The following UNC5A variants were observed in gnomAD, a reference collection of about 807,000 sequenced individuals.
UNC5A encodes netrin receptor UNC5A.
Under a neutral mutation model 87.4 loss-of-function variants are expected in UNC5A, and 20 were observed. That is an observed-to-expected ratio of 0.23 (90% confidence interval 0.16 to 0.33). UNC5A has a LOEUF of 0.33. Among genes scored for constraint, UNC5A ranks in the 10% least tolerant of loss-of-function variants. UNC5A has a pLI of 1.00. For missense variants in UNC5A, 844 were observed against 1,133.4 expected (o/e 0.74, Z 3.67); for synonymous variants, 438 against 482.3 (o/e 0.91, Z 1.20).
intron 1 of UNC5A, among the ~76,000 whole-genome samples, chr5:176,858,928 G>C (rs1330537974): frequency 1.3e-5 from 2 of 152,192 alleles, no homozygotes; most frequent in African/African-American, 4.8e-5. Flanking sequence ...GGGGGGGACA[G>C]ACAGATCTCA....
At position 176,869,613 on chromosome 5, in the gene UNC5A, G is replaced by A. The variant is rs951418076; in HGVS notation, c.721+649G>A. The A allele has an allele frequency of 4.3e-6, 3 of 699,552 alleles. No homozygotes were observed. Among genetic ancestry groups the A allele is most frequent in the South Asian group, 3.0e-5 (2 of 67,388 alleles). The allele number at this position is 699,552 out of a possible 1,614,324, so 43.3% of individuals were successfully genotyped here. A position where few individuals can be genotyped will look rare whatever the true frequency, so the allele number is the denominator to read the frequency against. ...ACCCCAGTCCTTCTCTGTCCGGCCAGTGAACGGTGGGTGGTCGACGTGGAC... is the reference window on the plus strand; with the variant it reads ...ACCCCAGTCCTTCTCTGTCCGGCCAATGAACGGTGGGTGGTCGACGTGGAC... On this transcript the variant is annotated intron_variant, in intron 5 of 14. Coordinates refer to ENST00000329542, the MANE Select transcript of UNC5A (RefSeq NM_133369.3). The surrounding 1 kb of genome is among the most constrained non-coding windows in gnomAD (Gnocchi z 9.1).
chr5:176,818,449 C>T (rs1414236005), intron 1 of UNC5A, among the ~76,000 whole-genome samples: 3 of 152,224 alleles, frequency 2.0e-5, no homozygotes, highest in Non-Finnish European at 4.4e-5. Context: ...GGGCTATAGA[C>T]TGTTACGTTT....
At position 176,879,339 on chromosome 5, in the gene UNC5A, G is replaced by A. The variant is rs1397672937; in HGVS notation, c.2214G>A (p.Leu738=). The change falls in exon 14 of 15, where the codon CTG becomes CTA. Residue 738 remains leucine (L), a synonymous_variant. Transcript: ENST00000329542. ...KDTRFAELLA[L]ESEAGVPALV... is the part of the protein sequence containing the mutation. ...CAAGGTTTGCTGAGCTGCTGGCTCT[G>A]GAGAGTGAAGCGGGGGTCCCAGCCC... 2.5e-6 allele frequency: 4 copies of A among 1,610,628 alleles called. No homozygotes were observed. The African/African-American group carries it at 4.0e-5, about 16-fold the overall frequency.
chr5:176,879,819 C>T lies in UNC5A; in HGVS notation c.2462C>T (p.Ala821Val). 1 of 1,613,036 alleles carries T rather than the reference C, an allele frequency of 6.2e-7. No homozygotes were observed. The highest frequency in any genetic ancestry group is 8.5e-7 in the Non-Finnish European group (1 of 1,179,894). ...CCCAACGGCAACCTCAGCCAGCTGG[C>T]TGCAGCAGTGGCTGGACTGGGCCAG... Reference protein sequence around the residue: ...HFPNGNLSQLAAAVAGLGQPD... With the variant: ...HFPNGNLSQLVAAVAGLGQPD... Residue 821 changes from alanine to valine, a missense_variant, in exon 15 of 15, where the codon GCT becomes GTT. Around this residue, in one of 3 missense-constraint regions of UNC5A, gnomAD observed 177 missense variants for 279.4 expected, o/e 0.63. Coordinates refer to ENST00000329542, the MANE Select transcript of UNC5A (RefSeq NM_133369.3).
At chr5:176,856,561 G>A (rs770153200) in intron 1 of UNC5A, among the ~76,000 whole-genome samples, 3 of 152,214 alleles carry the variant, frequency 2.0e-5, no homozygotes, top group Non-Finnish European at 4.4e-5. Context: ...AACTCACCCT[G>A]GTCCTGAAGT....
chr5:176,856,758 CCCAGTGCCA>C (rs1309643262), intron 1 of UNC5A, among the ~76,000 whole-genome samples: 1 of 152,130 alleles, frequency 6.6e-6, no homozygotes, highest in African/African-American at 2.4e-5. Context: ...CTCCCCTCTG[CCCAGTGCCA>C]CCCCTCCCCT....
chr5:176,852,413 G>A (rs556805222), intron 1 of UNC5A, among the ~76,000 whole-genome samples: 8 of 152,012 alleles, frequency 5.3e-5, no homozygotes, highest in East Asian at 3.9e-4. Flanking sequence ...AAGCACAGGC[G>A]CCGGCCAAGG....
chr5:176,842,664 A>C (rs1757304164), intron 1 of UNC5A, among the ~76,000 whole-genome samples: 2 of 152,140 alleles, frequency 1.3e-5, no homozygotes, highest in South Asian at 2.1e-4. Context: ...TGAGGACGCA[A>C]AGGCAAAAGA....
intron 2 of UNC5A, among the ~76,000 whole-genome samples, chr5:176,867,661 CG>C (rs898794690): frequency 6.6e-6 from 1 of 152,164 alleles, no homozygotes; most frequent in Non-Finnish European, 1.5e-5. Flanking sequence ...TATATTATCA[CG>C]TCAGGATCTA....
rs1165038284 is a variant in UNC5A, at chr5:176,880,182, C to G, written c.*296C>G. 2.9e-6 allele frequency: 1 copy of G among 347,640 alleles called. No homozygotes were observed. Among genetic ancestry groups the G allele is most frequent in the Non-Finnish European group, 5.3e-6 (1 of 187,488 alleles). 21.5% of individuals were successfully genotyped at this position (347,640 alleles called of 1,614,324 possible). On this transcript the variant is annotated 3_prime_UTR_variant, in exon 15 of 15. Transcript: ENST00000329542. The stretch of plus-strand genomic sequence containing the variant: ...TGTGTGTGTGTATGTGCGTGTGATG[C>G]TACCTCTCCTCCCGTCCCTCTCCAG...
At position 176,869,671 on chromosome 5, in the gene UNC5A, G is replaced by C. The variant is rs376531685; in HGVS notation, c.722-699G>C. On this transcript the variant is annotated intron_variant, in intron 5 of 14. Coordinates refer to ENST00000329542, the MANE Select transcript of UNC5A (RefSeq NM_133369.3). The surrounding 1 kb of genome is among the most constrained non-coding windows in gnomAD (Gnocchi z 9.1). Reference sequence around the variant, plus strand: ...TCCGTCTGCAGCGCCAGCTGTGGGCGCGGCTGGCAGAAACGGAGCCGGAGC... The same window carrying C: ...TCCGTCTGCAGCGCCAGCTGTGGGCCCGGCTGGCAGAAACGGAGCCGGAGC... 6 of 698,354 alleles carry C rather than the reference G, an allele frequency of 8.6e-6. No individual in the cohort carries two copies. Among genetic ancestry groups the C allele is most frequent in the Non-Finnish European group, 1.6e-5 (6 of 382,392 alleles). 43.3% of individuals were successfully genotyped at this position (698,354 alleles called of 1,614,324 possible).
chr5:176,830,757 CGTGTGTGTAG>C (rs1405200349), intron 1 of UNC5A, among the ~76,000 whole-genome samples: 1 of 103,494 alleles, frequency 9.7e-6, no homozygotes, highest in Non-Finnish European at 1.9e-5. Context: ...TGTGCGCTGG[CGTGTGTGTAG>C]GTGTGTGTGT....
In UNC5A at chr5:176,869,758, C is replaced by T; in HGVS notation, c.722-612C>T. 1 of 621,716 alleles carries T rather than the reference C, an allele frequency of 1.6e-6. No individual in the cohort carries two copies. The highest frequency in any genetic ancestry group is 1.7e-5 in the South Asian group (1 of 57,350). The allele number at this position is 621,716 out of a possible 1,614,324, so 38.5% of individuals were successfully genotyped here. On this transcript the variant is annotated intron_variant, in intron 5 of 14. Coordinates refer to ENST00000329542, the MANE Select transcript of UNC5A (RefSeq NM_133369.3). This position sits in a 1 kb window ranked among gnomAD's most constrained non-coding sequence, Gnocchi z 9.1. Reference sequence around the variant, plus strand: ...TGTGAGGGGCAGAATGTCCAGAAAACAGCCTGCGCCACCCTGTGCCCAGGT... The same window carrying T: ...TGTGAGGGGCAGAATGTCCAGAAAATAGCCTGCGCCACCCTGTGCCCAGGT...
intron 1 of UNC5A, among the ~76,000 whole-genome samples, chr5:176,812,392 C>T (rs907882617): frequency 5.3e-5 from 8 of 152,170 alleles, no homozygotes; most frequent in Admixed American, 3.3e-4. Flanking sequence ...CACGTGAGCA[C>T]GTGTGAAGGC....
chr5:176,865,538 C>T lies in UNC5A; in HGVS notation c.293-2592C>T, dbSNP rs1364245032. On this transcript the variant is annotated intron_variant, in intron 2 of 14. Transcript: ENST00000329542. The surrounding 1 kb of genome is among the most constrained non-coding windows in gnomAD (Gnocchi z 5.3). ...GTCCTCTTCTGCCCCGAGCATCCGA[C>T]TCCAGCCTCCCATGGCCGGAACATC... The T allele has an allele frequency of 6.6e-6, 3 of 455,096 alleles. No individual in the cohort carries two copies. In the Admixed American group the frequency reaches 7.1e-5, roughly 11 times the overall value. 28.2% of individuals were successfully genotyped at this position (455,096 alleles called of 1,614,324 possible).
At chr5:176,836,851 T>A (rs1189255005) in intron 1 of UNC5A, among the ~76,000 whole-genome samples, 3 of 152,130 alleles carry the variant, frequency 2.0e-5, no homozygotes, top group Non-Finnish European at 2.9e-5. Context: ...AAATATAAAT[T>A]GCTTCCAGAA....
chr5:176,825,293 G>A, intron 1 of UNC5A, among the ~76,000 whole-genome samples: 1 of 152,204 alleles, frequency 6.6e-6, no homozygotes. Context: ...GAAGCCAAAA[G>A]GGGGCCCGGG....
rs868375272 is a variant in UNC5A at position 176,874,145 on chromosome 5, C to T, written c.1064C>T (p.Pro355Leu). The change falls in exon 7 of 15, where the codon CCC (proline) becomes CTC (leucine). Residue 355 changes from proline to leucine, a missense_variant. This residue lies in a region of UNC5A where 353 missense variants were observed against 387.5 expected (regional missense o/e 0.91). Transcript: ENST00000329542. This position sits in a 1 kb window ranked among gnomAD's most constrained non-coding sequence, Gnocchi z 7.6. Reference sequence around the variant, plus strand: ...GGCTTCCAGCCCGTCAGCATCAAGCCCAGCAAAGCAGGTGAGGGGCCCCGT... The same window carrying T: ...GGCTTCCAGCCCGTCAGCATCAAGCTCAGCAAAGCAGGTGAGGGGCCCCGT... ...TSGFQPVSIK[P>L]SKADNPHLLT... The T allele has an allele frequency of 5.6e-6, 9 of 1,613,490 alleles. No individual in the cohort carries two copies. The highest frequency in any genetic ancestry group is 7.6e-6 in the Non-Finnish European group (9 of 1,179,568).
chr5:176,827,086 T>C (rs1363445416), intron 1 of UNC5A, among the ~76,000 whole-genome samples: 1 of 152,110 alleles, frequency 6.6e-6, no homozygotes, highest in East Asian at 1.9e-4. Context: ...TCATGTAATT[T>C]GTGGTCCTCT....
Sources: allele counts gnomAD v4.1 joint callset (sites outside exome capture counted in the v4.1 genomes callset), GRCh38; gene constraint gnomAD v4.1.1; regional missense constraint gnomAD v4.1.1; non-coding constraint Gnocchi (gnomAD v3.1); transcripts MANE v1.5; gene names NCBI Gene and HGNC (gene_info 2026-07-23, HGNC 2026-07-21).